SH3GL3: variants seen among roughly 807,000 people sequenced by gnomAD.
The protein encoded by SH3GL3 is SH3 domain containing GRB2 like 3, endophilin A3.
Under a neutral mutation model 47.7 loss-of-function variants are expected in SH3GL3, and 33 were observed. The observed-to-expected ratio is 0.69, with a 90% CI of 0.52 to 0.92. SH3GL3 has a LOEUF of 0.92. Among genes scored for constraint, SH3GL3 ranks in the 40% least tolerant of loss-of-function variants. The pLI, the probability that SH3GL3 is intolerant of heterozygous loss-of-function variation, is 0.00. For missense variants in SH3GL3, 363 were observed against 417.8 expected (o/e 0.87, Z 1.14); for synonymous variants, 155 against 148.8 (o/e 1.04, Z -0.30).
chr15:83,447,873 C>A lies in SH3GL3; in HGVS notation c.45+295C>A, dbSNP rs1285018300. 6.6e-6 allele frequency among the ~76,000 whole-genome samples: 1 copy of A among 152,090 alleles called. No homozygotes were observed. The highest frequency in any genetic ancestry group is 1.5e-5 in the Non-Finnish European group (1 of 67,996). ...GCCGCGGGGACTCGGGAGGCGGAGA[C>A]GGAGTGGGCGTGGGGGGGCCCCTAC... On this transcript the variant is annotated intron_variant, in intron 1 of 8. Coordinates refer to ENST00000427482, the MANE Select transcript of SH3GL3 (RefSeq NM_003027.5). The surrounding 1 kb of genome is among the most constrained non-coding windows in gnomAD (Gnocchi z 5.1).
intron 1 of SH3GL3, among the ~76,000 whole-genome samples, chr15:83,519,597 C>A (rs1338890935): frequency 2.6e-5 from 4 of 152,154 alleles, no homozygotes; most frequent in African/African-American, 9.7e-5. Flanking sequence ...GGTATAGAAT[C>A]ATGTCATCAG....
At chr15:83,486,569 A>G (rs2041606256) in intron 1 of SH3GL3, among the ~76,000 whole-genome samples, 1 of 152,218 alleles carries the variant, frequency 6.6e-6, no homozygotes, top group South Asian at 2.1e-4. Flanking sequence ...AGCATGTATC[A>G]GTACTTTATT....
At chr15:83,534,070 C>T (rs1249092830) in intron 1 of SH3GL3, among the ~76,000 whole-genome samples, 2 of 152,046 alleles carry the variant, frequency 1.3e-5, no homozygotes, top group Admixed American at 6.5e-5. Context: ...GTTGGAAGCT[C>T]AATTGCTACT....
At position 83,618,085 on chromosome 15, in the gene SH3GL3, C is replaced by T; in HGVS notation, c.842C>T (p.Ser281Phe). The part of the protein sequence containing the change: ...STTSVVKTTG[S>F]NIPMDQPCCR... Reference sequence around the variant, plus strand: ...TGTCTCCATATCATGTGGACAGGTTCTAACATTCCCATGGACCAGCCCTGC... The same window carrying T: ...TGTCTCCATATCATGTGGACAGGTTTTAACATTCCCATGGACCAGCCCTGC... The change falls in exon 9 of 9, where the codon TCT becomes TTT. Residue 281 changes from serine to phenylalanine, a missense_variant. By Grantham distance (155) the Ser-to-Phe change is radical. Coordinates refer to ENST00000427482, the MANE Select transcript of SH3GL3 (RefSeq NM_003027.5). The T allele has an allele frequency of 6.2e-7, 1 of 1,608,390 alleles. No homozygotes were observed. The highest frequency in any genetic ancestry group is 8.5e-7 in the Non-Finnish European group (1 of 1,174,762).
chr15:83,539,502 C>A (rs1002680582), intron 1 of SH3GL3, among the ~76,000 whole-genome samples: 4 of 152,180 alleles, frequency 2.6e-5, no homozygotes, highest in African/African-American at 7.2e-5. Context: ...TGAGGGGACG[C>A]AAACATTCAA....
intron 1 of SH3GL3, among the ~76,000 whole-genome samples, chr15:83,519,751 A>G (rs1388920857): frequency 1.3e-5 from 2 of 152,134 alleles, no homozygotes; most frequent in Non-Finnish European, 2.9e-5. Flanking sequence ...AGTGTAGTCA[A>G]GTTTATCCTT....
At chr15:83,480,869 G>A (rs1391050845) in intron 1 of SH3GL3, among the ~76,000 whole-genome samples, 1 of 152,146 alleles carries the variant, frequency 6.6e-6, no homozygotes, top group South Asian at 2.1e-4. Context: ...TCAAGGATTT[G>A]TGTATCCCAT....
chr15:83,626,013 A>T, the SH3GL3 span, among the ~76,000 whole-genome samples: 2 of 152,128 alleles, frequency 1.3e-5, no homozygotes, highest in Non-Finnish European at 2.9e-5. Flanking sequence ...TTATATTTTT[A>T]GTAGAGACGG....
downstream of SH3GL3, among the ~76,000 whole-genome samples, chr15:83,621,980 T>TACAC (rs142805476): frequency 0.021 from 3,174 of 151,366 alleles, 123 homozygotes; most frequent in African/African-American, 0.073. Context: ...CAGCCAGCTA[T>TACAC]ACACACACAC....
At chr15:83,468,425 A>G (rs1202828037) in intron 1 of SH3GL3, among the ~76,000 whole-genome samples, 1 of 152,196 alleles carries the variant, frequency 6.6e-6, no homozygotes, top group Non-Finnish European at 1.5e-5. Context: ...GAGAGTTGAC[A>G]TCCTTGCCTT....
chr15:83,576,568 A>G lies in SH3GL3; in HGVS notation c.466-15A>G, dbSNP rs764357180. ...ATGTAGCACCTCTCTGAGGGACTCC[A>G]TTCTCTTTTTTTAGCATCACCTGAA... On this transcript the variant is annotated splice_polypyrimidine_tract_variant and intron_variant, in intron 5 of 8. Coordinates refer to ENST00000427482, the MANE Select transcript of SH3GL3 (RefSeq NM_003027.5). The G allele has an allele frequency of 6.3e-7, 1 of 1,595,028 alleles. No homozygotes were observed. The highest frequency in any genetic ancestry group is 8.5e-7 in the Non-Finnish European group (1 of 1,174,050).
At chr15:83,562,920 C>T (rs117440012) in intron 2 of SH3GL3, among the ~76,000 whole-genome samples, 4,942 of 152,280 alleles carry the variant, frequency 0.032, 106 homozygotes, top group Non-Finnish European at 0.049. Flanking sequence ...CTAGGCCAAA[C>T]GCACACTCAC....
At chr15:83,568,358 T>C (rs1290386690) in intron 3 of SH3GL3, among the ~76,000 whole-genome samples, 171 bp from the exon 4 acceptor site, 3 of 152,164 alleles carry the variant, frequency 2.0e-5, no homozygotes, top group Admixed American at 6.5e-5. Flanking sequence ...GTAAAGAACC[T>C]AGAAAATTAC....
At chr15:83,616,299 C>A (rs1200247206) in intron 8 of SH3GL3, among the ~76,000 whole-genome samples, 2 of 134,782 alleles carry the variant, frequency 1.5e-5, no homozygotes, top group Non-Finnish European at 3.0e-5. Flanking sequence ...GTCCCCCAGG[C>A]TGGAGTGCGG....
intron 6 of SH3GL3, among the ~76,000 whole-genome samples, chr15:83,582,316 C>T (rs1482444038): frequency 2.0e-5 from 3 of 152,164 alleles, no homozygotes; most frequent in South Asian, 2.1e-4. Context: ...CATTCACCAG[C>T]TACGGGATCC....
Position 83,466,413 on chromosome 15 carries a change from A to AAT in SH3GL3, c.45+18850_45+18851dup, listed in dbSNP as rs58728071. Among the ~76,000 whole-genome samples, 154 of 149,620 alleles carry AAT rather than the reference A, an allele frequency of 1.0e-3. 1 individual carries two copies. Among genetic ancestry groups the AAT allele is most frequent in the African/African-American group, 1.9e-3 (76 of 40,872 alleles). On this transcript the variant is annotated intron_variant, in intron 1 of 8. Transcript: ENST00000427482. The stretch of plus-strand genomic sequence containing the variant: ...AAATGTCCAGGAGTGCAATTGTTAG[A>AAT]ATATATATATATATATGGGGAAAGG...
intron 8 of SH3GL3, among the ~76,000 whole-genome samples, chr15:83,603,379 T>C (rs2060437526): frequency 6.6e-6 from 1 of 152,240 alleles, no homozygotes; most frequent in Non-Finnish European, 1.5e-5. Flanking sequence ...CTTTCTTAGA[T>C]ATAGCTCTTA....
chr15:83,484,079 C>G (rs1299644056), intron 1 of SH3GL3, among the ~76,000 whole-genome samples: 3 of 152,174 alleles, frequency 2.0e-5, no homozygotes, highest in African/African-American at 4.8e-5. Context: ...TTACGAGGCT[C>G]CACTACTGAT....
chr15:83,559,005 C>T (rs923593705), intron 1 of SH3GL3, among the ~76,000 whole-genome samples: 2 of 152,160 alleles, frequency 1.3e-5, no homozygotes, highest in African/African-American at 2.4e-5. Context: ...TGTCTATGTC[C>T]TACAGCACTT....
Sources: allele counts gnomAD v4.1 joint callset (sites outside exome capture counted in the v4.1 genomes callset), GRCh38; gene constraint gnomAD v4.1.1; non-coding constraint Gnocchi (gnomAD v3.1); transcripts MANE v1.5; gene names NCBI Gene and HGNC (gene_info 2026-07-23, HGNC 2026-07-21).